URB1: variants seen among roughly 807,000 people sequenced by gnomAD.
URB1 encodes URB1 ribosome biogenesis factor, also known as nucleolar pre-ribosomal-associated protein 1.
Under a neutral mutation model 242.3 loss-of-function variants are expected in URB1, and 197 were observed. The ratio of observed to expected loss-of-function variants is 0.81; its 90% CI spans 0.72 to 0.91. The LOEUF is 0.91. URB1 is among the 40% of genes least tolerant of loss of function. URB1 has a pLI of 0.00. For synonymous variants in URB1, 1,153 were observed against 1,201.8 expected (o/e 0.96, Z 0.84); for missense variants, 2,721 against 2,860.5 (o/e 0.95, Z 1.11).
rs182797950 is a variant in URB1, at chr21:32,366,039, C to G, written c.1335+579G>C. 8.5e-3 allele frequency among the ~76,000 whole-genome samples: 1,291 copies of G among 152,290 alleles called. 14 individuals carry two copies. The highest frequency in any genetic ancestry group is 0.011 in the Non-Finnish European group (764 of 68,018). ...TGCGGTGAAAGACATGTGAACCCCC[C>G]AGAATGTGGCTTCTGATGGGACATG... On this transcript the variant is annotated intron_variant, in intron 10 of 38. Coordinates refer to ENST00000382751, the MANE Select transcript of URB1 (RefSeq NM_014825.3).
chr21:32,361,997 C>G lies in URB1; in HGVS notation c.1534G>C (p.Val512Leu), dbSNP rs749219842. 18 of 1,551,440 alleles carry G rather than the reference C, an allele frequency of 1.2e-5. No homozygotes were observed. Among genetic ancestry groups the G allele is most frequent in the Non-Finnish European group, 1.0e-5 (12 of 1,146,916 alleles). The part of the protein sequence containing the change: ...SKILPDLNTV[V>L]WVWQSLKKQE... ...TTTTTAAGTGACTGCCAGACCCACA[C>G]GACAGTGTTCAGGTCTGGCAAAATC... is the stretch of plus-strand genomic sequence containing the variant. The change falls in exon 12 of 39, where the codon GTG becomes CTG. Residue 512 changes from valine to leucine, a missense_variant. Coordinates refer to ENST00000382751, the MANE Select transcript of URB1 (RefSeq NM_014825.3).
chr21:32,392,438 A>T (rs1260807960), intron 1 of URB1, among the ~76,000 whole-genome samples: 1 of 152,144 alleles, frequency 6.6e-6, no homozygotes, highest in East Asian at 1.9e-4. Flanking sequence ...CTCAGTAAGG[A>T]CTCAATAGAG....
intron 13 of URB1, 51 bp downstream of exon 13, chr21:32,360,956 G>T: frequency 1.5e-6 from 2 of 1,357,922 alleles, no homozygotes; most frequent in Non-Finnish European, 2.0e-6. Flanking sequence ...GCTCTGCTCT[G>T]GTTTATTGGC....
intron 30 of URB1, among the ~76,000 whole-genome samples, chr21:32,329,426 G>A (rs1178697599): frequency 6.6e-6 from 1 of 152,228 alleles, no homozygotes; most frequent in Non-Finnish European, 1.5e-5. Context: ...GAGCCTGCGT[G>A]CTCTGGTCAT....
intron 25 of URB1, among the ~76,000 whole-genome samples, chr21:32,341,017 A>C (rs1365474458): frequency 1.3e-5 from 2 of 152,194 alleles, no homozygotes; most frequent in African/African-American, 2.4e-5. Context: ...AAAAAAAAGA[A>C]TGATACATTA....
intron 30 of URB1, among the ~76,000 whole-genome samples, chr21:32,330,105 A>C (rs1440108471): frequency 6.6e-6 from 1 of 152,072 alleles, no homozygotes; most frequent in African/African-American, 2.4e-5. Context: ...TTCAGCAGTC[A>C]ATGAAATCTG....
At chr21:32,338,648 T>C (rs1025781875) in intron 26 of URB1, 59 bp downstream of exon 26, 2 of 1,535,376 alleles carry the variant, frequency 1.3e-6, no homozygotes, top group African/African-American at 2.8e-5. Context: ...GCAGCCAGTG[T>C]AAGGAAATCA....
intron 14 of URB1, among the ~76,000 whole-genome samples, chr21:32,358,778 T>G (rs918469493): frequency 6.6e-6 from 1 of 152,032 alleles, no homozygotes; most frequent in African/African-American, 2.4e-5. Flanking sequence ...CCAGGACTGG[T>G]GGCAATGAAC....
At chr21:32,328,428 G>A (rs997719524) in intron 30 of URB1, among the ~76,000 whole-genome samples, 5 of 152,128 alleles carry the variant, frequency 3.3e-5, no homozygotes, top group Non-Finnish European at 7.3e-5. Context: ...ATGAGTCACC[G>A]TGCCCAGCCT....
Position 32,368,464 on chromosome 21 carries a change from G to A in URB1, c.1136C>T (p.Thr379Met), listed in dbSNP as rs987800674. Residue 379 changes from threonine (T) to methionine (M), a missense_variant, in exon 9 of 39, where the codon ACG (threonine) becomes ATG (methionine). Transcript: ENST00000382751. ...DLLNKYFKEV[T>M]FSFIPRAKST... is the part of the protein sequence containing the mutation. The stretch of plus-strand genomic sequence containing the variant: ...CTTCGCTCGTGGGATAAAGGAAAAC[G>A]TTACTTCCTTGAAGTATTTGTTCAG... The A allele has an allele frequency of 3.2e-6, 5 of 1,551,622 alleles. No individual in the cohort carries two copies. The highest frequency in any genetic ancestry group is 2.4e-5 in the South Asian group (2 of 84,000).
intron 17 of URB1, 112 bp from the exon 18 acceptor site, chr21:32,354,215 T>C: frequency 8.2e-7 from 1 of 1,220,344 alleles, no homozygotes; most frequent in African/African-American, 1.5e-5. Context: ...AAAGCCAAAT[T>C]CCTCTTGGGG....
intron 21 of URB1, among the ~76,000 whole-genome samples, chr21:32,348,195 A>C (rs928825340): frequency 6.6e-6 from 1 of 152,126 alleles, no homozygotes; most frequent in Non-Finnish European, 1.5e-5. Flanking sequence ...CCGTGCAGAA[A>C]CACCACCATG....
rs1197857270 is a variant in URB1, at chr21:32,347,482, G to A, written c.3342C>T (p.Tyr1114=). Residue 1114 remains tyrosine, a synonymous_variant, in exon 22 of 39, where the codon TAC becomes TAT. Coordinates refer to ENST00000382751, the MANE Select transcript of URB1 (RefSeq NM_014825.3). Reference sequence around the variant, plus strand: ...CCTCACGGAGCTGGGCACCCTCCATGTATGGATGCAGCTCCTGCAGGGCCT... The same window carrying A: ...CCTCACGGAGCTGGGCACCCTCCATATATGGATGCAGCTCCTGCAGGGCCT... ...QLEALQELHP[Y]MEGAQLREVT... The A allele has an allele frequency of 1.0e-5, 16 of 1,551,126 alleles. No individual in the cohort carries two copies. Among genetic ancestry groups the A allele is most frequent in the Non-Finnish European group, 1.2e-5 (14 of 1,146,794 alleles).
intron 30 of URB1, among the ~76,000 whole-genome samples, chr21:32,332,390 G>A (rs2032903421): frequency 6.7e-6 from 1 of 148,502 alleles, no homozygotes; most frequent in African/African-American, 2.5e-5. Context: ...CGGATTGTTA[G>A]ATATTTGCAA....
rs534855293 is a variant in URB1 at position 32,384,644 on chromosome 21, T to C, written c.283-180A>G. Among the ~76,000 whole-genome samples the C allele has an allele frequency of 2.6e-5, 4 of 152,168 alleles. No individual in the cohort carries two copies. The South Asian group carries it at 8.3e-4, about 32-fold the overall frequency. On this transcript the variant is annotated intron_variant, in intron 2 of 38. Coordinates refer to ENST00000382751, the MANE Select transcript of URB1 (RefSeq NM_014825.3). ...TTGGCAGGCTGATCTGCAGGACCCA[T>C]GCCCTGCATGTAGCCCCACTCCCAT...
intron 32 of URB1, among the ~76,000 whole-genome samples, 166 bp downstream of exon 32, chr21:32,324,325 G>C (rs1438034591): frequency 6.6e-6 from 1 of 152,200 alleles, no homozygotes; most frequent in Admixed American, 6.5e-5. Flanking sequence ...TTACTGTCCA[G>C]AGCTGATGGG....
In URB1 at chr21:32,317,894, A is replaced by G; in HGVS notation, c.5816T>C (p.Leu1939Pro). The change falls in exon 37 of 39, where the codon CTG (leucine) becomes CCG (proline). Residue 1939 changes from leucine to proline, a missense_variant. By Grantham distance (98) the Leu-to-Pro change is moderately conservative. Transcript: ENST00000382751. ...GTCAAGTGTCCCGAAGAAGTTGGTCAGCTGGACGGGGGCCAAGGTGGGCCT... is the reference window on the plus strand; with the variant it reads ...GTCAAGTGTCCCGAAGAAGTTGGTCGGCTGGACGGGGGCCAAGGTGGGCCT... ...HLRPTLAPVQ[L>P]TNFFGTLDSV... 2.6e-6 allele frequency: 4 copies of G among 1,551,748 alleles called. No individual in the cohort carries two copies. In the South Asian group the frequency reaches 4.8e-5, roughly 18 times the overall value.
chr21:32,344,719 C>G lies in URB1; in HGVS notation c.4108G>C (p.Gly1370Arg), dbSNP rs1463918422. ...CAGGCACACAGCTCTTCTGCTGACC[C>G]TTCCAGAGCTGCTGAAATGGAGTCG... is the stretch of plus-strand genomic sequence containing the variant. ...VADSISAALE[G>R]SAEELCAWRR... The change falls in exon 24 of 39, where the codon GGG becomes CGG. Residue 1370 changes from glycine (G) to arginine (R), a missense_variant. Gly to Arg is a moderately radical substitution (Grantham distance 125). Coordinates refer to ENST00000382751, the MANE Select transcript of URB1 (RefSeq NM_014825.3). 1.9e-6 allele frequency: 3 copies of G among 1,551,774 alleles called. No homozygotes were observed. Among genetic ancestry groups the G allele is most frequent in the Admixed American group, 3.9e-5 (2 of 50,952 alleles).
intron 19 of URB1, 146 bp from the exon 20 acceptor site, chr21:32,351,068 C>T: frequency 1.2e-6 from 1 of 839,708 alleles, no homozygotes; most frequent in East Asian, 2.7e-5. Flanking sequence ...GACCGTGTGG[C>T]ATTTTACTTC....
Sources: allele counts gnomAD v4.1 joint callset (sites outside exome capture counted in the v4.1 genomes callset), GRCh38; gene constraint gnomAD v4.1.1; transcripts MANE v1.5; gene names NCBI Gene and HGNC (gene_info 2026-07-23, HGNC 2026-07-21).